RBFOX1: variants seen among roughly 807,000 people sequenced by gnomAD.
RBFOX1 encodes the protein RNA binding protein fox-1 homolog 1.
RBFOX1 carries 8 observed loss-of-function variants against 57.7 expected under a neutral mutation model. That is an observed-to-expected ratio of 0.14 (90% CI 0.08 to 0.25). The LOEUF (loss-of-function observed/expected upper bound fraction) is 0.25, where lower values mean the gene tolerates loss of function less well. Ranked by LOEUF, RBFOX1 falls within the 10% of genes least tolerant of loss-of-function variation. RBFOX1 has a pLI of 1.00. For synonymous variants in RBFOX1, 326 were observed against 222.4 expected (o/e 1.47, Z -4.15); for missense variants, 611 against 548.5 (o/e 1.11, Z -1.14).
chr16:5,287,564 T>C (rs2063427326), intron 1 of RBFOX1, among the ~76,000 whole-genome samples: 1 of 152,132 alleles, frequency 6.6e-6, no homozygotes, highest in Non-Finnish European at 1.5e-5. Flanking sequence ...AATACAACAA[T>C]CGTTTATTTT....
At chr16:7,089,704 C>T (rs974252778) in intron 4 of RBFOX1, among the ~76,000 whole-genome samples, 1 of 152,126 alleles carries the variant, frequency 6.6e-6, no homozygotes, top group Admixed American at 6.6e-5. Flanking sequence ...CCTTCCACAT[C>T]CGAAAAACTT....
chr16:5,495,988 T>C (rs2042989245), intron 2 of RBFOX1, among the ~76,000 whole-genome samples: 1 of 152,184 alleles, frequency 6.6e-6, no homozygotes, highest in Admixed American at 6.5e-5. Context: ...TAGCTGGGCA[T>C]GGTGGCGGGT....
intron 4 of RBFOX1, among the ~76,000 whole-genome samples, chr16:5,939,284 C>A (rs2059233761): frequency 6.6e-6 from 1 of 152,176 alleles, no homozygotes; most frequent in Non-Finnish European, 1.5e-5. Flanking sequence ...AATAAATCAT[C>A]ACAAACTTAG....
At chr16:6,365,814 C>T (rs2089499460) in intron 2 of RBFOX1, among the ~76,000 whole-genome samples, 1 of 152,186 alleles carries the variant, frequency 6.6e-6, no homozygotes, top group Non-Finnish European at 1.5e-5. Context: ...TGTTTTCTAA[C>T]TTGCTGGATT....
intron 3 of RBFOX1, among the ~76,000 whole-genome samples, chr16:6,882,317 T>A (rs1391712332): frequency 6.6e-6 from 1 of 152,128 alleles, no homozygotes; most frequent in Non-Finnish European, 1.5e-5. Context: ...TCATCCTTGT[T>A]GTTTGCAATT....
chr16:5,903,856 C>T (rs562033454), intron 4 of RBFOX1, among the ~76,000 whole-genome samples: 6 of 152,224 alleles, frequency 3.9e-5, no homozygotes, highest in African/African-American at 9.6e-5. Context: ...AAAGCAGATG[C>T]GGGGGCCTTG....
intron 2 of RBFOX1, among the ~76,000 whole-genome samples, chr16:5,570,241 A>G (rs995774245): frequency 1.3e-5 from 2 of 152,076 alleles, no homozygotes; most frequent in African/African-American, 2.4e-5. Flanking sequence ...AGCACACATG[A>G]TGGGTTTGTA....
chr16:6,557,927 G>T (rs2097127696), intron 2 of RBFOX1, among the ~76,000 whole-genome samples: 1 of 152,036 alleles, frequency 6.6e-6, no homozygotes, highest in Non-Finnish European at 1.5e-5. Flanking sequence ...TACTGCTTAT[G>T]GCATGCCCAA....
intron 3 of RBFOX1, among the ~76,000 whole-genome samples, chr16:6,880,563 G>T (rs1463008211): frequency 6.6e-6 from 1 of 152,172 alleles, no homozygotes; most frequent in Non-Finnish European, 1.5e-5. Context: ...CGTGAACTCG[G>T]AGAAGGCCAG....
At chr16:7,629,676 G>C (rs770131210) in intron 10 of RBFOX1, among the ~76,000 whole-genome samples, 40 of 152,258 alleles carry the variant, frequency 2.6e-4, no homozygotes, top group Non-Finnish European at 4.8e-4. Flanking sequence ...CATCCCTGGA[G>C]TGGGTGGTTG....
intron 1 of RBFOX1, among the ~76,000 whole-genome samples, chr16:6,203,071 C>T (rs764570403): frequency 6.6e-6 from 1 of 151,956 alleles, no homozygotes; most frequent in African/African-American, 2.4e-5. Context: ...CCACCGTGCC[C>T]AGCTTAATGT....
chr16:7,235,303 T>C lies in RBFOX1; in HGVS notation c.27+183205T>C, dbSNP rs1053780018. Among the ~76,000 whole-genome samples the C allele has an allele frequency of 3.9e-5, 6 of 152,164 alleles. No homozygotes were observed. The South Asian group carries it at 6.2e-4, about 16-fold the overall frequency. On this transcript the variant is annotated intron_variant, in intron 4 of 15. Coordinates refer to ENST00000550418, the MANE Select transcript of RBFOX1 (RefSeq NM_018723.4). ...AGCCACTTGTTCATTATTGACTAAG[T>C]GTGGCAACCAGTGTGACCATTCCCT...
intron 4 of RBFOX1, among the ~76,000 whole-genome samples, chr16:7,092,700 A>G: frequency 6.6e-6 from 1 of 152,106 alleles, no homozygotes; most frequent in East Asian, 1.9e-4. Flanking sequence ...GCCTTGGGGG[A>G]CGCACAGTTA....
intron 4 of RBFOX1, among the ~76,000 whole-genome samples, chr16:7,070,910 T>A (rs541304239): frequency 6.6e-6 from 1 of 152,056 alleles, no homozygotes; most frequent in Non-Finnish European, 1.5e-5. Flanking sequence ...AGGTGAAGGG[T>A]TCATGAGCTA....
At chr16:6,191,475 A>G (rs1355987818) in intron 1 of RBFOX1, among the ~76,000 whole-genome samples, 1 of 152,136 alleles carries the variant, frequency 6.6e-6, no homozygotes, top group Non-Finnish European at 1.5e-5. Context: ...ATTTATCATG[A>G]TAAGTGATGT....
At chr16:6,021,376 C>T (rs959656988) in intron 1 of RBFOX1, among the ~76,000 whole-genome samples, 5 of 152,072 alleles carry the variant, frequency 3.3e-5, no homozygotes, top group Admixed American at 6.5e-5. Flanking sequence ...ATGAGAGGGC[C>T]TGGATTCTTT....
chr16:6,194,834 C>G (rs1255434522), intron 1 of RBFOX1, among the ~76,000 whole-genome samples: 1 of 152,182 alleles, frequency 6.6e-6, no homozygotes, highest in African/African-American at 2.4e-5. Context: ...TTATGTTTAT[C>G]TCTATCCTTA....
chr16:5,612,009 TC>T (rs1233707559), intron 3 of RBFOX1, among the ~76,000 whole-genome samples: 1 of 151,648 alleles, frequency 6.6e-6, no homozygotes, highest in East Asian at 1.9e-4. Context: ...GCACCTGTGG[TC>T]CCAGCTACTT....
At chr16:6,516,995 T>G (rs2096392612) in intron 2 of RBFOX1, among the ~76,000 whole-genome samples, 1 of 152,162 alleles carries the variant, frequency 6.6e-6, no homozygotes, top group African/African-American at 2.4e-5. Flanking sequence ...TCAGAAGCTG[T>G]GAGCATAAAT....
Sources: gnomAD v4.1 joint callset for allele counts (sites outside exome capture counted in the v4.1 genomes callset) on GRCh38, gnomAD v4.1.1 for gene constraint, MANE v1.5 for transcripts, NCBI Gene and HGNC (gene_info 2026-07-23, HGNC 2026-07-21) for gene names.